Variants in NYAP1 observed in about 807,000 individuals in gnomAD.
The protein encoded by NYAP1 is neuronal tyrosine-phosphorylated phosphoinositide-3-kinase adapter 1.
In NYAP1, 20 loss-of-function variants were observed where a neutral mutation model predicts 58.6. The observed-to-expected ratio is 0.34, with a 90% CI of 0.24 to 0.50. The LOEUF is 0.50. Among genes scored for constraint, NYAP1 ranks in the 20% least tolerant of loss-of-function variants. The pLI is 0.98. For synonymous variants in NYAP1, 572 were observed against 523.1 expected (o/e 1.09, Z -1.27); for missense variants, 1,150 against 1,194.5 (o/e 0.96, Z 0.55).
At chr7:100,489,958 T>A (rs1799772746) in intron 4 of NYAP1, among the ~76,000 whole-genome samples, 1 of 151,952 alleles carries the variant, frequency 6.6e-6, no homozygotes. Flanking sequence ...TGTGTGCTTG[T>A]GAGTGTGCGC....
rs746581408 is a variant in NYAP1, at chr7:100,491,029, C to T, written c.2202C>T (p.Ser734=). ...GYRLGRSAST[S]GVRQVVLHTP... ...GCCTGGGGCGCTCCGCCTCCACCTC[C>T]GGAGTCCGGCAGGTCGTGCTCCACA... Residue 734 remains serine, a synonymous_variant, in exon 6 of 7, where the codon TCC becomes TCT. Coordinates refer to ENST00000300179, the MANE Select transcript of NYAP1 (RefSeq NM_173564.4). 3.1e-5 allele frequency: 48 copies of T among 1,559,088 alleles called. No individual in the cohort carries two copies. The East Asian group carries it at 5.3e-4, about 17-fold the overall frequency.
Position 100,493,780 on chromosome 7 carries a change from A to G in NYAP1, c.2403A>G (p.Arg801=). Residue 801 remains arginine, a synonymous_variant, in exon 7 of 7, where the codon CGA becomes CGG. Coordinates refer to ENST00000300179, the MANE Select transcript of NYAP1 (RefSeq NM_173564.4). ...TCAAGGCGCGCCACCGCCCGGACCG[A>G]GGCCTCTGCAAGCAGGAGAGCATGC... ...KEIKARHRPD[R]GLCKQESMPI... is the part of the protein sequence containing the mutation. 6.2e-7 allele frequency: 1 copy of G among 1,605,318 alleles called. No individual in the cohort carries two copies. The highest frequency in any genetic ancestry group is 8.5e-7 in the Non-Finnish European group (1 of 1,178,182).
intron 6 of NYAP1, among the ~76,000 whole-genome samples, chr7:100,492,057 A>AT: frequency 6.6e-6 from 1 of 151,826 alleles, no homozygotes; most frequent in African/African-American, 2.4e-5. Flanking sequence ...CTCAAAAAAA[A>AT]CCAAAAAACA....
In NYAP1 at chr7:100,489,314, G is replaced by A. The variant is rs1220035780; in HGVS notation, c.1593G>A (p.Leu531=). ...AAGVLHHRGC[L]ASPHSLPDPT... ...GGGTCCTCCACCACCGCGGCTGCCT[G>A]GCCTCCCCCCACAGCCTTCCGGACC... The change falls in exon 4 of 7, where the codon CTG becomes CTA. Residue 531 remains leucine, a synonymous_variant. Transcript: ENST00000300179. 12 of 1,603,668 alleles carry A rather than the reference G, an allele frequency of 7.5e-6. No individual in the cohort carries two copies. The highest frequency in any genetic ancestry group is 1.0e-5 in the Non-Finnish European group (12 of 1,175,926).
At position 100,488,607 on chromosome 7, in the gene NYAP1, C is replaced by T. The variant is rs2131066952; in HGVS notation, c.886C>T (p.Pro296Ser). ...TSPPQQPHALPPHAHRRPASA... is the reference protein window; with the variant it reads ...TSPPQQPHALSPHAHRRPASA... ...CCCGCCACAACAGCCTCACGCCCTT[C>T]CGCCCCATGCCCACCGCCGCCCAGC... The change falls in exon 4 of 7, where the codon CCG becomes TCG. Residue 296 changes from proline (P) to serine (S), a missense_variant. Pro to Ser is a moderately conservative substitution (Grantham distance 74). Coordinates refer to ENST00000300179, the MANE Select transcript of NYAP1 (RefSeq NM_173564.4). The surrounding 1 kb of genome is among the most constrained non-coding windows in gnomAD (Gnocchi z 5.9). 6.2e-7 allele frequency: 1 copy of T among 1,610,852 alleles called. No individual in the cohort carries two copies. The highest frequency in any genetic ancestry group is 2.2e-5 in the East Asian group (1 of 44,840).
In NYAP1 at chr7:100,490,435, C is replaced by T; in HGVS notation, c.1946-82C>T. 7.6e-7 allele frequency: 1 copy of T among 1,312,586 alleles called. No individual in the cohort carries two copies. The highest frequency in any genetic ancestry group is 1.1e-6 in the Non-Finnish European group (1 of 930,322). The allele number at this position is 1,312,586 out of a possible 1,614,324, so 81.3% of individuals were successfully genotyped here. ...GGGGCAATTGTGTCTCCTGGTCCAC[C>T]CATACTGCAGCATGTGTGGCCAGAG... is the stretch of plus-strand genomic sequence containing the variant. On this transcript the variant is annotated intron_variant, in intron 4 of 6. Transcript: ENST00000300179. This position sits in a 1 kb window ranked among gnomAD's most constrained non-coding sequence, Gnocchi z 4.6.
At position 100,489,316 on chromosome 7, in the gene NYAP1, C is replaced by T. The variant is rs766289344; in HGVS notation, c.1595C>T (p.Ala532Val). 2 of 1,603,432 alleles carry T rather than the reference C, an allele frequency of 1.2e-6. No homozygotes were observed. The highest frequency in any genetic ancestry group is 2.2e-5 in the South Asian group (2 of 89,902). ...AGVLHHRGCL[A>V]SPHSLPDPTV... ...GTCCTCCACCACCGCGGCTGCCTGG[C>T]CTCCCCCCACAGCCTTCCGGACCCA... The change falls in exon 4 of 7, where the codon GCC becomes GTC. Residue 532 changes from alanine to valine, a missense_variant. Coordinates refer to ENST00000300179, the MANE Select transcript of NYAP1 (RefSeq NM_173564.4).
chr7:100,488,558 C>T lies in NYAP1; in HGVS notation c.837C>T (p.Gly279=), dbSNP rs1015972777. 2 of 1,610,902 alleles carry T rather than the reference C, an allele frequency of 1.2e-6. No homozygotes were observed. The highest frequency in any genetic ancestry group is 1.7e-6 in the Non-Finnish European group (2 of 1,179,140). The part of the protein sequence containing the change: ...PEEAGEGRAN[G]PPPLTATSPP... The stretch of plus-strand genomic sequence containing the variant: ...AGGCTGGGGAAGGCCGGGCCAATGG[C>T]CCTCCACCATTGACGGCAACATCCC... Residue 279 remains glycine, a synonymous_variant, in exon 4 of 7, where the codon GGC becomes GGT. Coordinates refer to ENST00000300179, the MANE Select transcript of NYAP1 (RefSeq NM_173564.4). The surrounding 1 kb of genome is among the most constrained non-coding windows in gnomAD (Gnocchi z 5.9).
intron 6 of NYAP1, among the ~76,000 whole-genome samples, chr7:100,491,921 C>T (rs1484735342): frequency 6.6e-6 from 1 of 152,208 alleles, no homozygotes; most frequent in Non-Finnish European, 1.5e-5. Context: ...GTAGCGCACG[C>T]CTGTAGTCCC....
In NYAP1 at chr7:100,490,704, C is replaced by G; in HGVS notation, c.2133C>G (p.Thr711=). The G allele has an allele frequency of 1.3e-6, 2 of 1,522,012 alleles. No homozygotes were observed. The highest frequency in any genetic ancestry group is 1.8e-6 in the Non-Finnish European group (2 of 1,131,320). 94.3% of individuals were successfully genotyped at this position (1,522,012 alleles called of 1,614,324 possible). The change falls in exon 5 of 7, where the codon ACC becomes ACG. Residue 711 remains threonine, a synonymous_variant. Transcript: ENST00000300179. The surrounding 1 kb of genome is among the most constrained non-coding windows in gnomAD (Gnocchi z 4.6). ...SRTALPIPCQ[T]FPACHRNGDF... ...CCGCGCTGCCCATTCCCTGCCAGAC[C>G]TTCCCCGCCTGCCACCGCAATGGAG...
chr7:100,490,440 C>A lies in NYAP1; in HGVS notation c.1946-77C>A. ...AATTGTGTCTCCTGGTCCACCCATA[C>A]TGCAGCATGTGTGGCCAGAGGGACA... On this transcript the variant is annotated intron_variant, in intron 4 of 6. Coordinates refer to ENST00000300179, the MANE Select transcript of NYAP1 (RefSeq NM_173564.4). The surrounding 1 kb of genome is among the most constrained non-coding windows in gnomAD (Gnocchi z 4.6). 1 of 1,381,504 alleles carries A rather than the reference C, an allele frequency of 7.2e-7. No homozygotes were observed. Among genetic ancestry groups the A allele is most frequent in the Non-Finnish European group, 1.0e-6 (1 of 992,714 alleles). The allele number at this position is 1,381,504 out of a possible 1,614,324, so 85.6% of individuals were successfully genotyped here.
At chr7:100,492,807 G>T (rs1799813522) in intron 6 of NYAP1, among the ~76,000 whole-genome samples, 1 of 152,124 alleles carries the variant, frequency 6.6e-6, no homozygotes, top group South Asian at 2.1e-4. Context: ...GCTGAGGCAG[G>T]AGAATCACTT....
rs146389993 is a variant in NYAP1, at chr7:100,488,190, C to A, written c.469C>A (p.Arg157=). The change falls in exon 4 of 7, where the codon CGG becomes AGG. Residue 157 remains arginine (R), a synonymous_variant. Transcript: ENST00000300179. The surrounding 1 kb of genome is among the most constrained non-coding windows in gnomAD (Gnocchi z 5.9). ...AACCCCAGAGGGCCGAGAGTCCAGC[C>A]GGAAGGTTCCTCCGCAGAAGCCCAG... The part of the protein sequence containing the change: ...KPTPEGRESS[R]KVPPQKPRRS... The A allele has an allele frequency of 1.9e-6, 3 of 1,609,784 alleles. No homozygotes were observed. The African/African-American group carries it at 4.0e-5, about 22-fold the overall frequency.
rs2131071630 is a variant in NYAP1, at chr7:100,493,885, C to T, written c.2508C>T (p.Leu836=). ...TPPCRRQHTV[L]WDTAI ...CCTGCCGCCGGCAGCACACGGTCCT[C>T]TGGGACACCGCCATCTGAGGCGGGC... Residue 836 remains leucine (L), a synonymous_variant, in exon 7 of 7, where the codon CTC becomes CTT. Coordinates refer to ENST00000300179, the MANE Select transcript of NYAP1 (RefSeq NM_173564.4). 4 of 1,481,990 alleles carry T rather than the reference C, an allele frequency of 2.7e-6. No homozygotes were observed. Among genetic ancestry groups the T allele is most frequent in the South Asian group, 1.3e-5 (1 of 76,048 alleles). 91.8% of individuals were successfully genotyped at this position (1,481,990 alleles called of 1,614,324 possible).
rs1328229158 is a variant in NYAP1 at position 100,490,189 on chromosome 7, G to C, written c.1946-328G>C. 1.3e-5 allele frequency among the ~76,000 whole-genome samples: 2 copies of C among 152,168 alleles called. No homozygotes were observed. The highest frequency in any genetic ancestry group is 4.8e-5 in the African/African-American group (2 of 41,424). Reference sequence around the variant, plus strand: ...CCCCTACAGGTCTTGATCCCAGGGGGATGGTCATTCTCGCCCTATCTGGAG... The same window carrying C: ...CCCCTACAGGTCTTGATCCCAGGGGCATGGTCATTCTCGCCCTATCTGGAG... On this transcript the variant is annotated intron_variant, in intron 4 of 6. Transcript: ENST00000300179. The surrounding 1 kb of genome is among the most constrained non-coding windows in gnomAD (Gnocchi z 4.6).
intron 1 of NYAP1, among the ~76,000 whole-genome samples, chr7:100,484,919 G>C (rs1421147745): frequency 1.3e-5 from 2 of 152,120 alleles, no homozygotes; most frequent in East Asian, 3.9e-4. Context: ...ATGTGTACTT[G>C]TGTAGCTGAG....
rs760553096 is a variant in NYAP1, at chr7:100,490,602, G to A, written c.2031G>A (p.Ser677=). The A allele has an allele frequency of 1.5e-5, 23 of 1,577,450 alleles. No individual in the cohort carries two copies. Among genetic ancestry groups the A allele is most frequent in the African/African-American group, 2.7e-5 (2 of 74,430 alleles). The part of the protein sequence containing the change: ...VEREDRGPGT[S]GIPVRSQGAE... ...GTGAGGACAGGGGCCCTGGGACATC[G>A]GGGATCCCAGTGAGAAGCCAGGGGG... The change falls in exon 5 of 7, where the codon TCG becomes TCA. Residue 677 remains serine, a synonymous_variant. Coordinates refer to ENST00000300179, the MANE Select transcript of NYAP1 (RefSeq NM_173564.4). This position sits in a 1 kb window ranked among gnomAD's most constrained non-coding sequence, Gnocchi z 4.6.
At position 100,489,497 on chromosome 7, in the gene NYAP1, G is replaced by A; in HGVS notation, c.1776G>A (p.Glu592=). The stretch of plus-strand genomic sequence containing the variant: ...CCATGGTCAAGATCCAGCTGCAGGA[G>A]CAAGGGACCGATGGGGGTGCTTTTG... ...PSPMVKIQLQ[E]QGTDGGAFAS... Residue 592 remains glutamate, a synonymous_variant, in exon 4 of 7, where the codon GAG becomes GAA. Transcript: ENST00000300179. 1 of 1,613,432 alleles carries A rather than the reference G, an allele frequency of 6.2e-7. No individual in the cohort carries two copies. The highest frequency in any genetic ancestry group is 2.2e-5 in the East Asian group (1 of 44,882).
chr7:100,491,015 T>C lies in NYAP1; in HGVS notation c.2188T>C (p.Ser730Pro). 6.4e-7 allele frequency: 1 copy of C among 1,555,872 alleles called. No homozygotes were observed. Among genetic ancestry groups the C allele is most frequent in the South Asian group, 1.2e-5 (1 of 84,326 alleles). The change falls in exon 6 of 7, where the codon TCC (serine) becomes CCC (proline). Residue 730 changes from serine to proline, a missense_variant. Physicochemically the swap from Ser to Pro is moderately conservative, Grantham distance 74 (BLOSUM62 -1). Coordinates refer to ENST00000300179, the MANE Select transcript of NYAP1 (RefSeq NM_173564.4). ...DFTGGYRLGR[S>P]ASTSGVRQVV... ...CACGGGAGGCTACCGCCTGGGGCGC[T>C]CCGCCTCCACCTCCGGAGTCCGGCA...
Sources: gnomAD v4.1 joint callset for allele counts (sites outside exome capture counted in the v4.1 genomes callset) on GRCh38, gnomAD v4.1.1 for gene constraint, Gnocchi (gnomAD v3.1) non-coding constraint, MANE v1.5 for transcripts, NCBI Gene and HGNC (gene_info 2026-07-23, HGNC 2026-07-21) for gene names.